The following SYT3 variants were observed in gnomAD, a reference collection of about 807,000 sequenced individuals.
SYT3 encodes the protein synaptotagmin 3, also known as synaptotagmin-3.
A neutral mutation model predicts 50.6 loss-of-function variants in SYT3; 25 were observed. The observed-to-expected ratio is 0.49, with a 90% CI of 0.36 to 0.69. The LOEUF is 0.69. Ranked by LOEUF, SYT3 falls within the 30% of genes least tolerant of loss-of-function variation. The pLI is 0.00. For synonymous variants in SYT3, 323 were observed against 353.9 expected (o/e 0.91, Z 0.98); for missense variants, 589 against 793.6 (o/e 0.74, Z 3.10).
At chr19:50,642,275 G>A (rs867042585), upstream of SYT3, among the ~76,000 whole-genome samples, 6 of 152,272 alleles carry the variant, frequency 3.9e-5, no homozygotes, top group African/African-American at 1.2e-4. Flanking sequence ...GGAGAGACAC[G>A]CAGTGATGCA....
chr19:50,653,656 G>A, the SYT3 span, among the ~76,000 whole-genome samples: 1 of 147,092 alleles, frequency 6.8e-6, no homozygotes, highest in Non-Finnish European at 1.5e-5. Context: ...CAAGTTGAAT[G>A]TGTTGACTTA....
In SYT3 at chr19:50,637,222, A is replaced by C; in HGVS notation, c.148+42T>G. 17 of 1,599,734 alleles carry C rather than the reference A, an allele frequency of 1.1e-5. No homozygotes were observed. Among genetic ancestry groups the C allele is most frequent in the Non-Finnish European group, 1.5e-5 (17 of 1,170,008 alleles). ...GTTCTGCTCCGAGTCTCCTGGCCAT[A>C]GTGCAAGCAGGGGGCTGGCCAAGAC... On this transcript the variant is annotated intron_variant, in intron 3 of 10. Transcript: ENST00000600079. The surrounding 1 kb of genome is among the most constrained non-coding windows in gnomAD (Gnocchi z 4.9).
upstream of SYT3, among the ~76,000 whole-genome samples, chr19:50,640,858 A>G (rs115332742): frequency 0.011 from 1,638 of 152,356 alleles, 27 homozygotes; most frequent in African/African-American, 0.037. Context: ...CTAGATCTAC[A>G]TAGCCTGGAG....
chr19:50,649,588 T>C, the SYT3 span: 2 of 1,462,552 alleles, frequency 1.4e-6, no homozygotes, highest in African/African-American at 1.4e-5. Context: ...GCTCACAGTG[T>C]GGCCTTAAGC....
upstream of SYT3, among the ~76,000 whole-genome samples, chr19:50,641,610 G>C (rs1449974769): frequency 6.6e-6 from 1 of 151,754 alleles, no homozygotes; most frequent in Non-Finnish European, 1.5e-5. Context: ...ACTTTGGGAG[G>C]CCAAGTGGGC....
chr19:50,649,976 T>G, the SYT3 span, among the ~76,000 whole-genome samples: 2 of 151,972 alleles, frequency 1.3e-5, no homozygotes, highest in Non-Finnish European at 2.9e-5. Flanking sequence ...GCCCTCTGAC[T>G]CTCCCTTCCC....
At chr19:50,658,053 T>C in the SYT3 span, 31 of 1,535,712 alleles carry the variant, frequency 2.0e-5, no homozygotes, top group Non-Finnish European at 2.6e-5. Context: ...CCAGGGGCCA[T>C]GGAGAGCGGG....
At chr19:50,650,563 A>G in the SYT3 span, among the ~76,000 whole-genome samples, 1 of 152,066 alleles carries the variant, frequency 6.6e-6, no homozygotes, top group Admixed American at 6.6e-5. Flanking sequence ...CCCAGTTACT[A>G]GGGAGGCTGA....
At chr19:50,649,755 C>A in the SYT3 span, 2 of 628,834 alleles carry the variant, frequency 3.2e-6, no homozygotes, top group Middle Eastern at 2.5e-4. Flanking sequence ...TCCCATGAGC[C>A]TCTGGGGCCT....
chr19:50,646,906 C>T, the SYT3 span, among the ~76,000 whole-genome samples: 1 of 152,082 alleles, frequency 6.6e-6, no homozygotes, highest in African/African-American at 2.4e-5. Context: ...TCTCGGCTCA[C>T]TGCAAGCTCT....
Position 50,637,622 on chromosome 19 carries a change from C to A in SYT3, c.-15-196G>T. 2 of 518,222 alleles carry A rather than the reference C, an allele frequency of 3.9e-6. No individual in the cohort carries two copies. Among genetic ancestry groups the A allele is most frequent in the Non-Finnish European group, 6.9e-6 (2 of 290,772 alleles). The allele number at this position is 518,222 out of a possible 1,614,324, so 32.1% of individuals were successfully genotyped here. The stretch of plus-strand genomic sequence containing the variant: ...CAAGGTGACAGGTATTAGGGATGGA[C>A]AAGGAAAAGGAATTAGGAGTAGACA... On this transcript the variant is annotated intron_variant, in intron 2 of 10. Coordinates refer to ENST00000600079, the MANE Select transcript of SYT3 (RefSeq NM_001160329.2). This position sits in a 1 kb window ranked among gnomAD's most constrained non-coding sequence, Gnocchi z 4.9.
In SYT3 at chr19:50,625,381, C is replaced by T. The variant is rs376155142; in HGVS notation, c.1574+12G>A. 667 of 1,546,286 alleles carry T rather than the reference C, an allele frequency of 4.3e-4. 1 individual carries two copies. Among genetic ancestry groups the T allele is most frequent in the Non-Finnish European group, 5.4e-4 (623 of 1,146,326 alleles). On this transcript the variant is annotated intron_variant, in intron 8 of 10. Transcript: ENST00000600079. This position sits in a 1 kb window ranked among gnomAD's most constrained non-coding sequence, Gnocchi z 7.5. The stretch of plus-strand genomic sequence containing the variant: ...CCTCCTGCCTGACCCCCGCCCGGGC[C>T]GCGCCCCTCACCAGTCGTAGTCTAC...
At chr19:50,629,633 T>TC (rs1294420030) in intron 5 of SYT3, 121 bp from the exon 6 acceptor site, 1 of 981,294 alleles carries the variant, frequency 1.0e-6, no homozygotes, top group Non-Finnish European at 1.4e-6. Flanking sequence ...CCCCAGCCCC[T>TC]CCTCCCTCAG....
chr19:50,654,765 G>C, the SYT3 span, among the ~76,000 whole-genome samples: 1 of 152,126 alleles, frequency 6.6e-6, no homozygotes, highest in South Asian at 2.1e-4. Context: ...CAGTAGCTGG[G>C]ACTACAGGCA....
chr19:50,654,650 C>T, the SYT3 span, among the ~76,000 whole-genome samples: 1 of 142,452 alleles, frequency 7.0e-6, no homozygotes, highest in Non-Finnish European at 1.5e-5. Flanking sequence ...TTCTGTCTCT[C>T]TTTCTCCCTT....
the SYT3 span, among the ~76,000 whole-genome samples, chr19:50,646,328 G>C: frequency 3.9e-5 from 6 of 152,218 alleles, no homozygotes. Flanking sequence ...ATGCTGGTCT[G>C]TTTGATGCCA....
chr19:50,654,363 C>T, the SYT3 span, among the ~76,000 whole-genome samples: 14 of 151,646 alleles, frequency 9.2e-5, no homozygotes, highest in Admixed American at 3.3e-4. Flanking sequence ...AGTGCAGTGG[C>T]GCAATCTTGG....
rs1271632104 is a variant in SYT3, at chr19:50,624,914, C to T, written c.1707+248G>A. 2.6e-5 allele frequency: 10 copies of T among 390,846 alleles called. No individual in the cohort carries two copies. The East Asian group carries it at 3.7e-4, about 14-fold the overall frequency. The allele number at this position is 390,846 out of a possible 1,614,324, so 24.2% of individuals were successfully genotyped here. On this transcript the variant is annotated intron_variant, in intron 9 of 10. Transcript: ENST00000600079. ...CAGCGACCACCTACAGAACGTTTAA[C>T]TCAGCACATCTCACCTCTATCCTAA... is the stretch of plus-strand genomic sequence containing the variant.
the SYT3 span, among the ~76,000 whole-genome samples, chr19:50,645,220 T>C: frequency 4.6e-5 from 7 of 152,110 alleles, no homozygotes; most frequent in East Asian, 1.4e-3. Context: ...GATTCAGGGG[T>C]GTGTGTTTTA....
Sources: gnomAD v4.1 joint callset for allele counts (sites outside exome capture counted in the v4.1 genomes callset) on GRCh38, gnomAD v4.1.1 for gene constraint, Gnocchi (gnomAD v3.1) non-coding constraint, MANE v1.5 for transcripts, NCBI Gene and HGNC (gene_info 2026-07-23, HGNC 2026-07-21) for gene names.